RUNX3: variants seen among roughly 807,000 people sequenced by gnomAD.
RUNX3 encodes RUNX family transcription factor 3, also known as runt-related transcription factor 3.
A neutral mutation model predicts 27.7 loss-of-function variants in RUNX3; 10 were observed. The ratio of observed to expected loss-of-function variants is 0.36; its 90% confidence interval spans 0.22 to 0.61. The LOEUF (loss-of-function observed/expected upper bound fraction) is 0.61. Ranked by LOEUF, RUNX3 falls within the 20% of genes least tolerant of loss-of-function variation. RUNX3 has a pLI of 0.72. For synonymous variants in RUNX3, 270 were observed against 269.2 expected (o/e 1.00, Z -0.03); for missense variants, 469 against 629.5 (o/e 0.75, Z 2.73).
At chr1:24,928,325 A>G (rs1641139705) in intron 1 of RUNX3, among the ~76,000 whole-genome samples, 1 of 152,230 alleles carries the variant, frequency 6.6e-6, no homozygotes, top group Non-Finnish European at 1.5e-5. Flanking sequence ...AAACCCCTTT[A>G]AAGTGAGAGT....
rs542721339 is a variant in RUNX3, at chr1:24,938,200, G to C, written c.59-8348C>G. On this transcript the variant is annotated intron_variant, in intron 2 of 6. Transcript: ENST00000338888. ...TCCTTGTTCCTTGCTGGGTAACCTT[G>C]AGCAAGTCCCTTCCCTCTCTGGCCC... 7.9e-4 allele frequency among the ~76,000 whole-genome samples: 121 copies of C among 152,296 alleles called. 1 individual carries two copies. Among genetic ancestry groups the C allele is most frequent in the African/African-American group, 2.8e-3 (116 of 41,542 alleles).
chr1:24,946,545 G>A (rs1252743736), intron 2 of RUNX3, among the ~76,000 whole-genome samples: 1 of 152,148 alleles, frequency 6.6e-6, no homozygotes, highest in Non-Finnish European at 1.5e-5. Flanking sequence ...AGACAAGCCT[G>A]GTAGGGGCCA....
At chr1:24,917,773 G>A (rs140376202) in intron 3 of RUNX3, among the ~76,000 whole-genome samples, 7 of 152,294 alleles carry the variant, frequency 4.6e-5, no homozygotes, top group African/African-American at 1.7e-4. Flanking sequence ...CCCACAGCCA[G>A]GAAGGCTGGC....
chr1:24,914,057 CCT>C (rs1442917992), intron 3 of RUNX3, among the ~76,000 whole-genome samples: 1 of 152,214 alleles, frequency 6.6e-6, no homozygotes, highest in Non-Finnish European at 1.5e-5. Context: ...GTGTGGCACC[CCT>C]GAGATTCAAA....
At chr1:24,925,737 ACT>A (rs762267877) in intron 2 of RUNX3, among the ~76,000 whole-genome samples, 7 of 152,136 alleles carry the variant, frequency 4.6e-5, no homozygotes, top group African/African-American at 1.7e-4. Context: ...TCCCAGGACC[ACT>A]GAGACTGGTT....
chr1:24,940,853 G>GT (rs1222307782), intron 2 of RUNX3, among the ~76,000 whole-genome samples: 5 of 152,032 alleles, frequency 3.3e-5, no homozygotes, highest in Non-Finnish European at 5.9e-5. Context: ...TTAGTGCTTT[G>GT]TTTTTTAAAG....
chr1:24,928,873 A>T (rs1383630132), intron 1 of RUNX3: 2 of 361,220 alleles, frequency 5.5e-6, no homozygotes, highest in Non-Finnish European at 1.1e-5. Context: ...CCCTTTTCTC[A>T]CGGCAGCTGT....
chr1:24,929,712 G>GCAC lies in RUNX3; in HGVS notation c.154_156dup (p.Val52dup), dbSNP rs766182419. 2.5e-5 allele frequency: 39 copies of GCAC among 1,537,880 alleles called. No individual in the cohort carries two copies. The highest frequency in any genetic ancestry group is 3.4e-5 in the Non-Finnish European group (39 of 1,152,506). Reference sequence around the variant, plus strand: ...TCCGCCAGCACGTCCACCATCGAGCGCACCTCGGGCCGGGCGCGCCCTCCG... The same window carrying GCAC: ...TCCGCCAGCACGTCCACCATCGAGCGCACCACCTCGGGCCGGGCGCGCCCTCCG... On this transcript the variant is annotated inframe_insertion, in exon 1 of 5. Coordinates refer to ENST00000308873, the MANE Select transcript of RUNX3 (RefSeq NM_004350.3).
chr1:24,929,889 C>A lies in RUNX3; in HGVS notation c.-21G>T. 1 of 1,266,358 alleles carries A rather than the reference C, an allele frequency of 7.9e-7. No individual in the cohort carries two copies. Among genetic ancestry groups the A allele is most frequent in the South Asian group, 2.9e-5 (1 of 34,600 alleles). 78.4% of individuals were successfully genotyped at this position (1,266,358 alleles called of 1,614,324 possible). A position where few individuals can be genotyped will look rare whatever the true frequency, so the allele number is the denominator to read the frequency against. ...CGCATAACAGCGGCCGTCAGGGCGCCGGGCAGGCGGAGACGGCGCGGCTTC... is the reference window on the plus strand; with the variant it reads ...CGCATAACAGCGGCCGTCAGGGCGCAGGGCAGGCGGAGACGGCGCGGCTTC... On this transcript the variant is annotated 5_prime_UTR_variant, in exon 1 of 5. Transcript: ENST00000308873.
intron 3 of RUNX3, among the ~76,000 whole-genome samples, chr1:24,917,960 A>G (rs1217385603): frequency 6.6e-6 from 1 of 152,204 alleles, no homozygotes; most frequent in East Asian, 1.9e-4. Context: ...GGGCTGGTCT[A>G]TGTCTGATCT....
chr1:24,902,535 G>A lies in RUNX3; in HGVS notation c.835C>T (p.Pro279Ser). ...GTGCCCGAGGGCGTGGCGCTGTAGG[G>A]GAAGGCAGCTGACATGGCCCCGGGA... ...HYPGAMSAAF[P>S]YSATPSGTSI... Residue 279 changes from proline (P) to serine (S), a missense_variant, in exon 5 of 5, where the codon CCC (proline) becomes TCC (serine). Transcript: ENST00000308873. This position sits in a 1 kb window ranked among gnomAD's most constrained non-coding sequence, Gnocchi z 9.2. 1 of 1,593,212 alleles carries A rather than the reference G, an allele frequency of 6.3e-7. No individual in the cohort carries two copies. The highest frequency in any genetic ancestry group is 1.1e-5 in the South Asian group (1 of 89,816).
At chr1:24,907,518 T>C in intron 3 of RUNX3, 101 bp from the exon 4 acceptor site, 3 of 1,235,826 alleles carry the variant, frequency 2.4e-6, no homozygotes, top group Non-Finnish European at 3.3e-6. Flanking sequence ...GGTCTGACCT[T>C]AGGCCTCTGC....
Position 24,929,815 on chromosome 1 carries a change from C to T in RUNX3, c.54G>A (p.Pro18=), listed in dbSNP as rs1641180778. ...CGCCGCCGCCGCCGCAGGGGAAGGC[C>T]GGGGAGGGAGGTGTGAAGCGGCGGC... ...STSRRFTPPS[P]AFPCGGGGGK... is the part of the protein sequence containing the mutation. Residue 18 remains proline, a synonymous_variant, in exon 1 of 5, where the codon CCG becomes CCA. Coordinates refer to ENST00000308873, the MANE Select transcript of RUNX3 (RefSeq NM_004350.3). The T allele has an allele frequency of 9.2e-6, 13 of 1,409,300 alleles. No individual in the cohort carries two copies. The highest frequency in any genetic ancestry group is 9.2e-6 in the Non-Finnish European group (10 of 1,091,622). 87.3% of individuals were successfully genotyped at this position (1,409,300 alleles called of 1,614,324 possible).
At chr1:24,944,309 C>G (rs1043267610) in intron 2 of RUNX3, among the ~76,000 whole-genome samples, 4 of 152,286 alleles carry the variant, frequency 2.6e-5, no homozygotes, top group South Asian at 2.1e-4. Flanking sequence ...CCATCATACT[C>G]CCACCACAGG....
intron 2 of RUNX3, among the ~76,000 whole-genome samples, chr1:24,947,056 C>T (rs560708305): frequency 1.1e-4 from 17 of 152,248 alleles, no homozygotes; most frequent in Middle Eastern, 3.4e-3. Flanking sequence ...AATTAACCCA[C>T]GGAGCTCACC....
intron 1 of RUNX3, chr1:24,928,854 C>T (rs1424109268): frequency 2.8e-6 from 1 of 356,214 alleles, no homozygotes; most frequent in Non-Finnish European, 5.5e-6. Context: ...GCCGGCCCTT[C>T]CTGCCCTGCC....
At chr1:24,952,860 C>T (rs1421878487) in intron 2 of RUNX3, among the ~76,000 whole-genome samples, 5 of 152,300 alleles carry the variant, frequency 3.3e-5, no homozygotes, top group Admixed American at 6.5e-5. Context: ...ACCCCACATT[C>T]GTTCTTCTGT....
chr1:24,943,751 A>G lies in RUNX3; in HGVS notation c.59-13899T>C, dbSNP rs1641537767. Among the ~76,000 whole-genome samples, 1 of 152,196 alleles carries G rather than the reference A, an allele frequency of 6.6e-6. No homozygotes were observed. The highest frequency in any genetic ancestry group is 2.1e-4 in the South Asian group (1 of 4,826). The stretch of plus-strand genomic sequence containing the variant: ...TCGTGGGACCTCCGCTGGTCCCTGA[A>G]TGTCAGGCCCCCTGAGGGCAGGGTC... On this transcript the variant is annotated intron_variant, in intron 2 of 6. Transcript: ENST00000338888. This position sits in a 1 kb window ranked among gnomAD's most constrained non-coding sequence, Gnocchi z 4.6.
At chr1:24,934,469 C>A (rs899661411), upstream of RUNX3, among the ~76,000 whole-genome samples, 3 of 152,154 alleles carry the variant, frequency 2.0e-5, no homozygotes, top group African/African-American at 4.8e-5. Flanking sequence ...GCTGCCTGTG[C>A]GGTCTGAGAC....
Sources: allele counts gnomAD v4.1 joint callset (sites outside exome capture counted in the v4.1 genomes callset), GRCh38; gene constraint gnomAD v4.1.1; non-coding constraint Gnocchi (gnomAD v3.1); transcripts MANE v1.5; gene names NCBI Gene and HGNC (gene_info 2026-07-23, HGNC 2026-07-21).